Variants in CDYL2 observed in about 807,000 individuals in gnomAD.
CDYL2 encodes the protein chromodomain Y-like protein 2.
A neutral mutation model predicts 49.4 loss-of-function variants in CDYL2; 23 were observed. That is an observed-to-expected ratio of 0.47 (90% CI 0.34 to 0.66). The LOEUF (loss-of-function observed/expected upper bound fraction) is 0.66. CDYL2 is among the 30% of genes least tolerant of loss of function. The pLI is 0.01. For synonymous variants in CDYL2, 360 were observed against 268.8 expected, an observed-to-expected ratio of 1.34 and a Z score of -3.32; for missense variants, 678 against 656.4, an observed-to-expected ratio of 1.03 and a Z score of -0.36.
chr16:80,778,599 T>C (rs1464565577), intron 1 of CDYL2, among the ~76,000 whole-genome samples: 2 of 152,014 alleles, frequency 1.3e-5, no homozygotes, highest in Non-Finnish European at 1.5e-5. Context: ...GGGAGAAATA[T>C]TATGTTCTTT....
At chr16:80,773,745 T>C (rs973305904) in intron 1 of CDYL2, among the ~76,000 whole-genome samples, 4 of 152,164 alleles carry the variant, frequency 2.6e-5, no homozygotes, top group Non-Finnish European at 5.9e-5. Flanking sequence ...AAAGATTATA[T>C]ATTAAAACTC....
At chr16:80,621,528 A>C (rs559003776) in intron 3 of CDYL2, among the ~76,000 whole-genome samples, 1 of 152,338 alleles carries the variant, frequency 6.6e-6, no homozygotes, top group Admixed American at 6.5e-5. Flanking sequence ...GACCTGAGCC[A>C]TGCTGGTTAT....
chr16:80,638,923 A>G (rs1302900598), intron 2 of CDYL2, among the ~76,000 whole-genome samples: 1 of 151,600 alleles, frequency 6.6e-6, no homozygotes, highest in East Asian at 2.0e-4. Flanking sequence ...TGGGTTTGCA[A>G]TGACTTTTTA....
chr16:80,730,082 G>A (rs986304211), intron 1 of CDYL2, among the ~76,000 whole-genome samples: 5 of 151,870 alleles, frequency 3.3e-5, no homozygotes, highest in South Asian at 2.1e-4. Flanking sequence ...GCTAGCAGAA[G>A]GCAAGAAATA....
chr16:80,697,019 T>G (rs1160267745), intron 1 of CDYL2, among the ~76,000 whole-genome samples: 1 of 151,370 alleles, frequency 6.6e-6, no homozygotes, highest in East Asian at 1.9e-4. Flanking sequence ...AAAAAAAAAA[T>G]AAGTAAAGTA....
At chr16:80,758,377 G>C (rs1906387382) in intron 1 of CDYL2, among the ~76,000 whole-genome samples, 1 of 151,956 alleles carries the variant, frequency 6.6e-6, no homozygotes, top group Non-Finnish European at 1.5e-5. Flanking sequence ...AAAAAACCTA[G>C]ATGTACATCT....
intron 1 of CDYL2, among the ~76,000 whole-genome samples, chr16:80,719,461 T>C (rs1455515724): frequency 1.3e-5 from 2 of 152,188 alleles, no homozygotes; most frequent in Non-Finnish European, 2.9e-5. Context: ...ATCATTTTAA[T>C]TTTCTACATC....
intron 1 of CDYL2, among the ~76,000 whole-genome samples, chr16:80,700,880 TA>T (rs1375865652): frequency 6.9e-4 from 105 of 152,378 alleles, no homozygotes; most frequent in Middle Eastern, 3.4e-3. Context: ...TTTAATTTCC[TA>T]TTTGTTGTCT....
intron 3 of CDYL2, among the ~76,000 whole-genome samples, chr16:80,622,964 A>G (rs979616380): frequency 1.3e-5 from 2 of 152,150 alleles, no homozygotes; most frequent in African/African-American, 4.8e-5. Context: ...TCCATTTTAT[A>G]GAAAGGGAAA....
intron 1 of CDYL2, among the ~76,000 whole-genome samples, chr16:80,687,277 A>T (rs1266332290): frequency 1.3e-5 from 2 of 152,142 alleles, no homozygotes; most frequent in African/African-American, 4.8e-5. Context: ...AGCTCTAGAC[A>T]ATATATGCTC....
chr16:80,740,719 G>T (rs1459019170), intron 1 of CDYL2, among the ~76,000 whole-genome samples: 4 of 151,046 alleles, frequency 2.6e-5, no homozygotes, highest in African/African-American at 9.7e-5. Flanking sequence ...TAACCAGTGA[G>T]AAAATATAGT....
chr16:80,797,732 A>G (rs1012971754), intron 1 of CDYL2, among the ~76,000 whole-genome samples: 1 of 152,186 alleles, frequency 6.6e-6, no homozygotes, highest in African/African-American at 2.4e-5. Flanking sequence ...TGACTGATAT[A>G]CCAAATGTTG....
chr16:80,630,905 T>C (rs1567547768), intron 3 of CDYL2, among the ~76,000 whole-genome samples: 1 of 152,104 alleles, frequency 6.6e-6, no homozygotes, highest in East Asian at 1.9e-4. Context: ...CACTGGACAA[T>C]GCTAGGTCAT....
chr16:80,801,282 T>A (rs1394862099), intron 1 of CDYL2, among the ~76,000 whole-genome samples: 1 of 152,242 alleles, frequency 6.6e-6, no homozygotes, highest in Non-Finnish European at 1.5e-5. Context: ...GAACTATCTA[T>A]CAAGATCCAA....
intron 1 of CDYL2, among the ~76,000 whole-genome samples, chr16:80,718,335 T>C (rs1356700844): frequency 6.6e-6 from 1 of 152,238 alleles, no homozygotes; most frequent in Non-Finnish European, 1.5e-5. Context: ...CAAACTCACA[T>C]AATAGTTAAA....
At chr16:80,666,665 T>G (rs980985258) in intron 2 of CDYL2, among the ~76,000 whole-genome samples, 1 of 152,126 alleles carries the variant, frequency 6.6e-6, no homozygotes, top group Non-Finnish European at 1.5e-5. Context: ...TTCCAGGACA[T>G]GTTACCATGA....
At chr16:80,773,279 A>G (rs1271843199) in intron 1 of CDYL2, among the ~76,000 whole-genome samples, 3 of 152,194 alleles carry the variant, frequency 2.0e-5, no homozygotes, top group Non-Finnish European at 2.9e-5. Context: ...TATGCACTTA[A>G]TATCATAAAA....
At chr16:80,739,696 C>T (rs762138444) in intron 1 of CDYL2, among the ~76,000 whole-genome samples, 3 of 152,174 alleles carry the variant, frequency 2.0e-5, no homozygotes, top group Non-Finnish European at 4.4e-5. Context: ...ACAAGACGCA[C>T]CAGCTCAGAG....
intron 1 of CDYL2, among the ~76,000 whole-genome samples, chr16:80,775,434 G>C (rs928295590): frequency 1.3e-5 from 2 of 151,820 alleles, no homozygotes; most frequent in Non-Finnish European, 2.9e-5. Flanking sequence ...AGTGTCTAAG[G>C]AGCTTGCCTT....
Sources: allele counts gnomAD v4.1 joint callset (sites outside exome capture counted in the v4.1 genomes callset), GRCh38; gene constraint gnomAD v4.1.1; transcripts MANE v1.5; gene names NCBI Gene and HGNC (gene_info 2026-07-23, HGNC 2026-07-21).